The following CREBRF variants were observed in gnomAD, a reference collection of about 807,000 sequenced individuals.
The protein encoded by CREBRF is UPF0474 protein C5orf41.
Under a neutral mutation model 66.1 loss-of-function variants are expected in CREBRF, and 5 were observed. The observed-to-expected ratio is 0.08, with a 90% CI of 0.04 to 0.16. The LOEUF (loss-of-function observed/expected upper bound fraction) is 0.16. Among genes scored for constraint, CREBRF ranks in the 10% least tolerant of loss-of-function variants. The pLI, the probability that CREBRF is intolerant of heterozygous loss-of-function variation, is 1.00. For missense variants in CREBRF, 531 were observed against 744.9 expected (o/e 0.71, Z 3.34); for synonymous variants, 229 against 264.4 (o/e 0.87, Z 1.30).
At chr5:173,087,987 C>A (rs946359923) in intron 3 of CREBRF, among the ~76,000 whole-genome samples, 6 of 151,554 alleles carry the variant, frequency 4.0e-5, no homozygotes, top group Non-Finnish European at 8.8e-5. Context: ...CCACACCCGG[C>A]TAATTTTTTG....
In CREBRF at chr5:173,080,579, TGACA is replaced by T; in HGVS notation, c.-191_-188del. On this transcript the variant is annotated splice_acceptor_variant and splice_polypyrimidine_tract_variant and intron_variant, in intron 1 of 8. Transcript: ENST00000296953. LOFTEE classifies it low-confidence loss of function (5UTR_SPLICE). Reference sequence around the variant, plus strand: ...TTCAGTGAAGTTACTTTGTGTTGTTTGACAGACAGCATCGCACAGAATTATTTTA... The same window carrying T: ...TTCAGTGAAGTTACTTTGTGTTGTTTGACAGCATCGCACAGAATTATTTTA... The T allele has an allele frequency of 1.6e-5, 9 of 559,174 alleles. No individual in the cohort carries two copies. The highest frequency in any genetic ancestry group is 4.8e-4 in the Middle Eastern group (1 of 2,104). The allele number at this position is 559,174 out of a possible 1,614,324, so 34.6% of individuals were successfully genotyped here.
chr5:173,107,988 C>T (rs1352693930), intron 4 of CREBRF, among the ~76,000 whole-genome samples: 4 of 151,758 alleles, frequency 2.6e-5, no homozygotes, highest in South Asian at 2.1e-4. Context: ...TGCACCACCA[C>T]GCCCTGGCTA....
intron 7 of CREBRF, among the ~76,000 whole-genome samples, chr5:173,121,356 T>C (rs1759135536): frequency 6.6e-6 from 1 of 151,348 alleles, no homozygotes; most frequent in Non-Finnish European, 1.5e-5. Context: ...GGAGTCTTGC[T>C]CTGTTGTCCA....
intron 7 of CREBRF, among the ~76,000 whole-genome samples, chr5:173,120,603 A>G (rs1759115708): frequency 6.7e-6 from 1 of 149,826 alleles, no homozygotes; most frequent in Non-Finnish European, 1.5e-5. Context: ...CTGGTCTGGA[A>G]CACCTGGCCT....
intron 8 of CREBRF, among the ~76,000 whole-genome samples, chr5:173,131,642 C>A (rs1345469718): frequency 6.6e-6 from 1 of 151,956 alleles, no homozygotes; most frequent in South Asian, 2.1e-4. Flanking sequence ...ATCAGATTGT[C>A]TCATTATTTG....
chr5:173,118,500 T>A (rs772587030), intron 7 of CREBRF, among the ~76,000 whole-genome samples: 53 of 152,176 alleles, frequency 3.5e-4, no homozygotes, highest in Non-Finnish European at 6.3e-4. Flanking sequence ...AGGCTTATGA[T>A]CTTTTTTAGG....
In CREBRF at chr5:173,090,900, A is replaced by G. The variant is rs1293368545; in HGVS notation, c.721A>G (p.Lys241Glu). Reference protein sequence around the residue: ...CKDYVKKAKVKINPVQQSRPL... With the variant: ...CKDYVKKAKVEINPVQQSRPL... ...AGACTATGTAAAAAAGGCAAAGGTA[A>G]AGATCAACCCAGTGCAACAGAGCCG... The change falls in exon 4 of 9, where the codon AAG (lysine) becomes GAG (glutamate). Residue 241 changes from lysine (K) to glutamate (E), a missense_variant. Coordinates refer to ENST00000296953, the MANE Select transcript of CREBRF (RefSeq NM_153607.3). The surrounding 1 kb of genome is among the most constrained non-coding windows in gnomAD (Gnocchi z 4.5). The G allele has an allele frequency of 6.2e-7, 1 of 1,614,178 alleles. No individual in the cohort carries two copies. Among genetic ancestry groups the G allele is most frequent in the East Asian group, 2.2e-5 (1 of 44,890 alleles).
chr5:173,101,855 T>C (rs1758637059), intron 4 of CREBRF, among the ~76,000 whole-genome samples: 1 of 152,170 alleles, frequency 6.6e-6, no homozygotes, highest in South Asian at 2.1e-4. Flanking sequence ...GGCCTGTCAT[T>C]ATTACTTTAA....
intron 8 of CREBRF, chr5:173,124,644 G>A (rs553901998): frequency 6.6e-6 from 1 of 150,800 alleles, no homozygotes; most frequent in South Asian, 2.1e-4. Context: ...TTTTTGCTTA[G>A]GTGCCAAAAG....
At chr5:173,130,897 G>C (rs1382124382) in intron 8 of CREBRF, among the ~76,000 whole-genome samples, 1 of 152,148 alleles carries the variant, frequency 6.6e-6, no homozygotes, top group East Asian at 1.9e-4. Context: ...AGTAGAGACA[G>C]GGTTTCACCA....
Position 173,108,635 on chromosome 5 carries a change from G to T in CREBRF, c.1234G>T (p.Asp412Tyr). 2 of 1,605,068 alleles carry T rather than the reference G, an allele frequency of 1.2e-6. No individual in the cohort carries two copies. Among genetic ancestry groups the T allele is most frequent in the South Asian group, 1.1e-5 (1 of 88,272 alleles). ...GACCTTTTTTTAAGGCTATGAAAAT[G>T]ATTCTGTAGAAGACCTGAAGGAGGT... ...DTFSEPGYENDSVEDLKEVTS... is the reference protein window; with the variant it reads ...DTFSEPGYENYSVEDLKEVTS... The change falls in exon 5 of 9, where the codon GAT becomes TAT. Residue 412 changes from aspartate to tyrosine, a missense_variant. Physicochemically the swap from Asp to Tyr is radical, Grantham distance 160 (BLOSUM62 -3). Transcript: ENST00000296953.
At chr5:173,058,175 A>G (rs1757133227) in intron 1 of CREBRF, among the ~76,000 whole-genome samples, 1 of 152,222 alleles carries the variant, frequency 6.6e-6, no homozygotes, top group Non-Finnish European at 1.5e-5. Context: ...AGGCAGGGAA[A>G]AATGGTATGA....
intron 3 of CREBRF, among the ~76,000 whole-genome samples, chr5:173,088,661 A>G (rs1324014242): frequency 6.6e-6 from 1 of 152,074 alleles, no homozygotes; most frequent in Non-Finnish European, 1.5e-5. Flanking sequence ...CAGGATCTGC[A>G]TATACTTAAT....
intron 4 of CREBRF, among the ~76,000 whole-genome samples, chr5:173,104,740 A>AGAGAGAGT (rs375098647): frequency 4.2e-4 from 61 of 146,246 alleles, no homozygotes; most frequent in African/African-American, 1.2e-3. Context: ...AGAGAGAGAG[A>AGAGAGAGT]GTGTGTGTGT....
chr5:173,075,983 G>A (rs1034258101), intron 1 of CREBRF, among the ~76,000 whole-genome samples: 1 of 150,970 alleles, frequency 6.6e-6, no homozygotes, highest in Admixed American at 6.6e-5. Flanking sequence ...CATTTTGGGA[G>A]GCCGAGGCAG....
rs1554125223 is a variant in CREBRF, at chr5:173,100,078, T to TTGTGTGTGTATGTGTG, written c.1223-8537_1223-8536insATGTGTGTGTGTGTGT. ...CCTGCCACCACACCTGGCTAATCTT[T>TTGTGTGTGTATGTGTG]TGTGTGTGTGTGTGTGTGTGTGTGT... On this transcript the variant is annotated intron_variant, in intron 4 of 8. Transcript: ENST00000296953. Among the ~76,000 whole-genome samples the TTGTGTGTGTATGTGTG allele has an allele frequency of 1.7e-4, 12 of 69,146 alleles. 1 individual carries two copies. Among genetic ancestry groups the TTGTGTGTGTATGTGTG allele is most frequent in the African/African-American group, 5.4e-4 (9 of 16,808 alleles). The allele number at this position is 69,146 out of a possible 152,430, so 45.4% of individuals were successfully genotyped here.
At position 173,123,062 on chromosome 5, in the gene CREBRF, T is replaced by C; in HGVS notation, c.1682-18T>C. On this transcript the variant is annotated intron_variant, in intron 7 of 8. Coordinates refer to ENST00000296953, the MANE Select transcript of CREBRF (RefSeq NM_153607.3). ...TCATGGTAGTGACATATTCCAAGTG[T>C]TTTGTTCTGTCTTACAGATAATTTA... 1 of 1,569,392 alleles carries C rather than the reference T, an allele frequency of 6.4e-7. No individual in the cohort carries two copies.
intron 4 of CREBRF, among the ~76,000 whole-genome samples, chr5:173,096,612 T>G (rs1758485067): frequency 6.6e-6 from 1 of 151,494 alleles, no homozygotes; most frequent in African/African-American, 2.4e-5. Flanking sequence ...GAATAGTAGT[T>G]GAGAGAATGG....
chr5:173,133,839 T>C lies in CREBRF; in HGVS notation c.*94T>C, dbSNP rs1759529291. On this transcript the variant is annotated 3_prime_UTR_variant, in exon 9 of 9. Coordinates refer to ENST00000296953, the MANE Select transcript of CREBRF (RefSeq NM_153607.3). ...CTGTTTTGCATGTCAGTTAGCATTATGTAAACATTTACAATTAGGTTACAT... is the reference window on the plus strand; with the variant it reads ...CTGTTTTGCATGTCAGTTAGCATTACGTAAACATTTACAATTAGGTTACAT... The C allele has an allele frequency of 1.6e-6, 1 of 624,598 alleles. No homozygotes were observed. The highest frequency in any genetic ancestry group is 3.1e-5 in the Admixed American group (1 of 32,022). 38.7% of individuals were successfully genotyped at this position (624,598 alleles called of 1,614,324 possible).
Sources: gnomAD v4.1 joint callset for allele counts (sites outside exome capture counted in the v4.1 genomes callset) on GRCh38, gnomAD v4.1.1 for gene constraint, Gnocchi (gnomAD v3.1) non-coding constraint, MANE v1.5 for transcripts, NCBI Gene and HGNC (gene_info 2026-07-23, HGNC 2026-07-21) for gene names.